The following RBFOX1 variants were observed in gnomAD, a reference collection of about 807,000 sequenced individuals.
RBFOX1 encodes RNA binding fox-1 homolog 1.
RBFOX1 carries 8 observed loss-of-function variants against 57.7 expected under a neutral mutation model. The ratio of observed to expected loss-of-function variants is 0.14; its 90% CI spans 0.08 to 0.25. RBFOX1 has a LOEUF of 0.25. RBFOX1 is among the 10% of genes least tolerant of loss of function. The pLI is 1.00. For synonymous variants in RBFOX1, 326 were observed against 222.4 expected, an observed-to-expected ratio of 1.47 and a Z score of -4.15; for missense variants, 611 against 548.5, an observed-to-expected ratio of 1.11 and a Z score of -1.14.
chr16:5,430,969 G>C (rs1360591895), intron 1 of RBFOX1, among the ~76,000 whole-genome samples: 1 of 152,154 alleles, frequency 6.6e-6, no homozygotes, highest in African/African-American at 2.4e-5. Context: ...TGCATAATAA[G>C]GTGACTGGTC....
At chr16:6,431,633 C>T (rs1322247376) in intron 2 of RBFOX1, among the ~76,000 whole-genome samples, 1 of 152,068 alleles carries the variant, frequency 6.6e-6, no homozygotes, top group Non-Finnish European at 1.5e-5. Flanking sequence ...ATGTGAATGG[C>T]ATGAGGTCTT....
chr16:5,978,689 TG>T (rs1037251915), intron 4 of RBFOX1, among the ~76,000 whole-genome samples: 5 of 149,546 alleles, frequency 3.3e-5, no homozygotes, highest in African/African-American at 7.6e-5. Flanking sequence ...TTTTTTTTTT[TG>T]TTGTTGTTGT....
intron 4 of RBFOX1, among the ~76,000 whole-genome samples, chr16:7,198,238 G>A (rs1007812997): frequency 4.0e-5 from 6 of 151,892 alleles, no homozygotes; most frequent in Admixed American, 6.6e-5. Context: ...ATCTCCTAAC[G>A]TCGTGATCTG....
intron 4 of RBFOX1, among the ~76,000 whole-genome samples, chr16:5,952,120 C>T (rs2059533443): frequency 6.7e-6 from 1 of 149,990 alleles, no homozygotes; most frequent in Admixed American, 6.7e-5. Flanking sequence ...TATGTATACA[C>T]ACACACATAT....
intron 3 of RBFOX1, among the ~76,000 whole-genome samples, chr16:6,967,182 C>A (rs984602289): frequency 6.6e-6 from 1 of 152,016 alleles, no homozygotes; most frequent in Non-Finnish European, 1.5e-5. Context: ...TTCACACATC[C>A]ATTTTCTATC....
rs1212538329 is a variant in RBFOX1, at chr16:6,403,672, G to A, written c.-64+86615G>A. Reference sequence around the variant, plus strand: ...GCCTGACATCAGAGACACTTCTGATGAGCCCAATATATTTCTAATTATTGG... The same window carrying A: ...GCCTGACATCAGAGACACTTCTGATAAGCCCAATATATTTCTAATTATTGG... On this transcript the variant is annotated intron_variant, in intron 2 of 15. Transcript: ENST00000550418. Among the ~76,000 whole-genome samples, 3 of 152,092 alleles carry A rather than the reference G, an allele frequency of 2.0e-5. No individual in the cohort carries two copies. In the South Asian group the frequency reaches 6.2e-4, roughly 32 times the overall value.
intron 4 of RBFOX1, among the ~76,000 whole-genome samples, chr16:7,124,821 C>A (rs951815035): frequency 6.6e-6 from 1 of 151,996 alleles, no homozygotes; most frequent in Admixed American, 6.6e-5. Context: ...CAGTCCGTAT[C>A]CTGTTTCTAC....
intron 1 of RBFOX1, among the ~76,000 whole-genome samples, chr16:6,293,896 G>A (rs1478595923): frequency 4.2e-3 from 3 of 706 alleles, no homozygotes; most frequent in African/African-American, 6.3e-3. Context: ...CAGGGTGAGC[G>A]GGGGGGTGGT....
At chr16:6,218,036 G>A (rs546733057) in intron 1 of RBFOX1, among the ~76,000 whole-genome samples, 9 of 152,138 alleles carry the variant, frequency 5.9e-5, no homozygotes, top group Admixed American at 2.0e-4. Context: ...AAATAAAAAC[G>A]TTGCATGAAT....
At chr16:6,975,212 A>G (rs987611775) in intron 3 of RBFOX1, among the ~76,000 whole-genome samples, 4 of 152,116 alleles carry the variant, frequency 2.6e-5, no homozygotes, top group East Asian at 1.9e-4. Context: ...TGCCCGACGC[A>G]CAGAATTTAA....
intron 3 of RBFOX1, among the ~76,000 whole-genome samples, chr16:7,019,914 C>T (rs1312725026): frequency 6.6e-6 from 1 of 152,112 alleles, no homozygotes; most frequent in Non-Finnish European, 1.5e-5. Context: ...CTCTCTTTTA[C>T]CTCCCAGCCT....
At chr16:6,609,653 A>T (rs1246112453) in intron 2 of RBFOX1, among the ~76,000 whole-genome samples, 1 of 152,176 alleles carries the variant, frequency 6.6e-6, no homozygotes, top group Non-Finnish European at 1.5e-5. Flanking sequence ...TCCTGAAGTT[A>T]ACCCTATGTA....
At chr16:7,488,190 A>G (rs1159874070) in intron 4 of RBFOX1, among the ~76,000 whole-genome samples, 2 of 152,140 alleles carry the variant, frequency 1.3e-5, no homozygotes, top group Non-Finnish European at 2.9e-5. Flanking sequence ...CTTCATCTGC[A>G]GCGTGCTCAT....
rs1378358517 is a variant in RBFOX1 at position 5,737,336 on chromosome 16, T to C, written c.319-129967T>C. Among the ~76,000 whole-genome samples the C allele has an allele frequency of 3.9e-5, 6 of 151,916 alleles. No individual in the cohort carries two copies. In the East Asian group the frequency reaches 1.2e-3, roughly 30 times the overall value. ...CGGTCTCTCCTAAAAGTACAAAAAG[T>C]TACCCAGGCGTGGTGGCGTGTGCCT... On this transcript the variant is annotated intron_variant, in intron 3 of 19. Transcript: ENST00000641259.
At chr16:6,861,148 A>G (rs1370308736) in intron 3 of RBFOX1, among the ~76,000 whole-genome samples, 2 of 152,088 alleles carry the variant, frequency 1.3e-5, no homozygotes, top group African/African-American at 4.8e-5. Flanking sequence ...CATCTTCCGT[A>G]TTTTTTATAT....
rs1419585184 is a variant in RBFOX1 at position 6,831,116 on chromosome 16, C to T, written c.-16+176466C>T. 2.0e-5 allele frequency among the ~76,000 whole-genome samples: 3 copies of T among 152,188 alleles called. No homozygotes were observed. The East Asian group carries it at 5.8e-4, about 29-fold the overall frequency. ...GGATAGATTCATACTACTCCATTATCACTAAGGTTCATTTTATTTGCAAGC... is the reference window on the plus strand; with the variant it reads ...GGATAGATTCATACTACTCCATTATTACTAAGGTTCATTTTATTTGCAAGC... On this transcript the variant is annotated intron_variant, in intron 3 of 15. Transcript: ENST00000550418.
chr16:6,052,368 T>C (rs2095561187), intron 1 of RBFOX1, among the ~76,000 whole-genome samples: 1 of 152,210 alleles, frequency 6.6e-6, no homozygotes, highest in Non-Finnish European at 1.5e-5. Context: ...TTTTTTGTGA[T>C]GACTTCCACT....
chr16:7,502,467 G>A (rs747379875), intron 4 of RBFOX1, among the ~76,000 whole-genome samples: 1 of 152,110 alleles, frequency 6.6e-6, no homozygotes, highest in Non-Finnish European at 1.5e-5. Flanking sequence ...ACCATATCAT[G>A]CCTCCACAAA....
intron 11 of RBFOX1, among the ~76,000 whole-genome samples, chr16:7,651,721 A>T (rs1275116191): frequency 6.6e-6 from 1 of 152,248 alleles, no homozygotes; most frequent in African/African-American, 2.4e-5. Context: ...GCTCTTCTGC[A>T]GAAAGCCTGG....
Sources: gnomAD v4.1 joint callset for allele counts (sites outside exome capture counted in the v4.1 genomes callset) on GRCh38, gnomAD v4.1.1 for gene constraint, MANE v1.5 for transcripts, NCBI Gene and HGNC (gene_info 2026-07-23, HGNC 2026-07-21) for gene names.